Variants in CFDP1 observed in about 807,000 individuals in gnomAD.
CFDP1 encodes chromatin remodeling protein CFDP1.
Under a neutral mutation model 40.1 loss-of-function variants are expected in CFDP1, and 31 were observed. The ratio of observed to expected loss-of-function variants is 0.77; its 90% CI spans 0.58 to 1.04. The LOEUF is 1.04. CFDP1 is among the 50% of genes least tolerant of loss of function. CFDP1 has a pLI of 0.00. For synonymous variants in CFDP1, 167 were observed against 120.0 expected (o/e 1.39, Z -2.56); for missense variants, 423 against 343.4 (o/e 1.23, Z -1.83).
chr16:75,385,176 C>T (rs1045654365), intron 5 of CFDP1, among the ~76,000 whole-genome samples: 1 of 151,732 alleles, frequency 6.6e-6, no homozygotes. Context: ...ATTCTTGATT[C>T]AAAGATATTA....
intron 5 of CFDP1, among the ~76,000 whole-genome samples, chr16:75,378,838 AC>A (rs1264850666): frequency 6.6e-6 from 1 of 152,218 alleles, no homozygotes; most frequent in Non-Finnish European, 1.5e-5. Flanking sequence ...AAGACAGACC[AC>A]ATCCTGGCCC....
chr16:75,313,262 T>C (rs2078305989), intron 5 of CFDP1, among the ~76,000 whole-genome samples: 1 of 152,244 alleles, frequency 6.6e-6, no homozygotes, highest in South Asian at 2.1e-4. Context: ...GCTTGGTTCG[T>C]GCATATAATG....
chr16:75,409,188 G>GT lies in CFDP1; in HGVS notation c.530+2636dup, dbSNP rs1341452299. Reference sequence around the variant, plus strand: ...TTTTGTTTTAATAACAGAATAAAAGGTAACAGTGATTCCCTGTATATTAAC... The same window carrying GT: ...TTTTGTTTTAATAACAGAATAAAAGGTTAACAGTGATTCCCTGTATATTAAC... On this transcript the variant is annotated intron_variant, in intron 4 of 6. Coordinates refer to ENST00000283882, the MANE Select transcript of CFDP1 (RefSeq NM_006324.3). 8 of 152,240 alleles carry GT rather than the reference G, an allele frequency of 5.3e-5. No individual in the cohort carries two copies. The East Asian group carries it at 1.5e-3, about 29-fold the overall frequency. 9.4% of individuals were successfully genotyped at this position (152,240 alleles called of 1,614,324 possible).
chr16:75,360,207 C>T (rs1597353738), intron 5 of CFDP1, among the ~76,000 whole-genome samples: 1 of 152,070 alleles, frequency 6.6e-6, no homozygotes, highest in Non-Finnish European at 1.5e-5. Context: ...ATTTTGGTTT[C>T]TAATATTACT....
intron 5 of CFDP1, among the ~76,000 whole-genome samples, chr16:75,352,879 A>G (rs975780733): frequency 6.6e-6 from 1 of 152,234 alleles, no homozygotes; most frequent in Non-Finnish European, 1.5e-5. Flanking sequence ...TATGTGTCCC[A>G]AAATAAAACA....
chr16:75,410,772 G>A (rs896716643), intron 4 of CFDP1, among the ~76,000 whole-genome samples: 5 of 151,864 alleles, frequency 3.3e-5, no homozygotes, highest in Non-Finnish European at 7.4e-5. Flanking sequence ...AGCCGGGCAT[G>A]GTGGTGAGCA....
chr16:75,352,956 A>G (rs2078622902), intron 5 of CFDP1, among the ~76,000 whole-genome samples: 2 of 152,218 alleles, frequency 1.3e-5, no homozygotes, highest in Admixed American at 6.5e-5. Flanking sequence ...GTCTTCCGAT[A>G]AAACTACCAA....
At position 75,388,112 on chromosome 16, in the gene CFDP1, G is replaced by A. The variant is rs114148147; in HGVS notation, c.650+6978C>T. The stretch of plus-strand genomic sequence containing the variant: ...CTCAAATAGATTTGGGCTGGAATCC[G>A]AGTTCGACCAATCATCAACTATGTA... On this transcript the variant is annotated intron_variant, in intron 5 of 6. Coordinates refer to ENST00000283882, the MANE Select transcript of CFDP1 (RefSeq NM_006324.3). Among the ~76,000 whole-genome samples, 23 of 152,318 alleles carry A rather than the reference G, an allele frequency of 1.5e-4. No homozygotes were observed. In the East Asian group the frequency reaches 1.9e-3, roughly 13 times the overall value.
chr16:75,311,211 T>A (rs2078290964), intron 5 of CFDP1, among the ~76,000 whole-genome samples: 1 of 152,198 alleles, frequency 6.6e-6, no homozygotes, highest in Non-Finnish European at 1.5e-5. Context: ...ACTCAGTGCT[T>A]TTGATGCCCA....
At chr16:75,345,982 C>T (rs919927143) in intron 5 of CFDP1, among the ~76,000 whole-genome samples, 2 of 152,150 alleles carry the variant, frequency 1.3e-5, no homozygotes, top group South Asian at 4.1e-4. Flanking sequence ...CAGGTCTCTA[C>T]TCAAGAAGAA....
chr16:75,398,518 T>C (rs1004541241), intron 4 of CFDP1, among the ~76,000 whole-genome samples: 2 of 152,128 alleles, frequency 1.3e-5, no homozygotes, highest in African/African-American at 4.8e-5. Flanking sequence ...TAAAAGATAA[T>C]ACAGCTTCCA....
intron 5 of CFDP1, among the ~76,000 whole-genome samples, chr16:75,331,505 T>C (rs959231370): frequency 1.3e-5 from 2 of 152,188 alleles, no homozygotes; most frequent in Admixed American, 1.3e-4. Flanking sequence ...AGTCAAAATA[T>C]AGAACATTTC....
chr16:75,375,268 T>C (rs1379516717), intron 5 of CFDP1, among the ~76,000 whole-genome samples: 2 of 152,030 alleles, frequency 1.3e-5, no homozygotes, highest in African/African-American at 2.4e-5. Flanking sequence ...AAAAAATGAA[T>C]AAGCAAGACA....
chr16:75,407,616 G>C (rs1247545621), intron 4 of CFDP1, among the ~76,000 whole-genome samples: 1 of 140,840 alleles, frequency 7.1e-6, no homozygotes, highest in Admixed American at 8.0e-5. Context: ...TCGTAGGTTG[G>C]TTGAGGCTAG....
intron 1 of CFDP1, among the ~76,000 whole-genome samples, chr16:75,423,510 A>T (rs1174720307): frequency 1.3e-5 from 2 of 151,304 alleles, no homozygotes; most frequent in Non-Finnish European, 3.0e-5. Flanking sequence ...CACGTTGGCG[A>T]GGTTGGTTTT....
intron 1 of CFDP1, among the ~76,000 whole-genome samples, chr16:75,419,346 GAATTA>G (rs1338468824): frequency 1.3e-5 from 2 of 152,040 alleles, no homozygotes; most frequent in African/African-American, 4.8e-5. Flanking sequence ...TGAGGGAAAA[GAATTA>G]AATATTTATA....
chr16:75,429,677 G>C (rs759677647), intron 1 of CFDP1, among the ~76,000 whole-genome samples: 1 of 152,222 alleles, frequency 6.6e-6, no homozygotes, highest in East Asian at 1.9e-4. Context: ...AAATACACTG[G>C]AGTACTCATA....
intron 6 of CFDP1, among the ~76,000 whole-genome samples, chr16:75,302,680 G>T (rs545369081): frequency 6.6e-6 from 1 of 152,348 alleles, no homozygotes; most frequent in South Asian, 2.1e-4. Flanking sequence ...AGATCACTGT[G>T]CAAGAGTGGA....
At chr16:75,377,914 C>T (rs1436795927) in intron 5 of CFDP1, among the ~76,000 whole-genome samples, 2 of 152,236 alleles carry the variant, frequency 1.3e-5, no homozygotes, top group Non-Finnish European at 2.9e-5. Flanking sequence ...CACGCAGCAA[C>T]TTCGCTAGCA....
Sources: allele counts gnomAD v4.1 joint callset (sites outside exome capture counted in the v4.1 genomes callset), GRCh38; gene constraint gnomAD v4.1.1; transcripts MANE v1.5; gene names NCBI Gene and HGNC (gene_info 2026-07-23, HGNC 2026-07-21).